The following PDE10A variants were observed in gnomAD, a reference collection of about 807,000 sequenced individuals.
PDE10A encodes the protein phosphodiesterase 10A, also known as cAMP and cAMP-inhibited cGMP 3',5'-cyclic phosphodiesterase 10A.
A neutral mutation model predicts 97.7 loss-of-function variants in PDE10A; 39 were observed. The ratio of observed to expected loss-of-function variants is 0.40; its 90% CI spans 0.31 to 0.52. The LOEUF (loss-of-function observed/expected upper bound fraction) is 0.52. Among genes scored for constraint, PDE10A ranks in the 20% least tolerant of loss-of-function variants. The probability of loss-of-function intolerance (pLI) is 0.56; values close to 1 mark genes in which losing one functional copy is unlikely to be tolerated. For synonymous variants in PDE10A, 371 were observed against 376.8 expected, an observed-to-expected ratio of 0.98 and a Z score of 0.18; for missense variants, 731 against 1,047.8, an observed-to-expected ratio of 0.70 and a Z score of 4.17.
rs377134469 is a variant in PDE10A at position 165,433,144 on chromosome 6, G to C, written c.1336-15C>G. 1.9e-6 allele frequency: 3 copies of C among 1,589,392 alleles called. No individual in the cohort carries two copies. Among genetic ancestry groups the C allele is most frequent in the Admixed American group, 1.7e-5 (1 of 57,728 alleles). ...AATCGTTCATCCTGAAAAACAAAAA[G>C]ACAAAAAGACATAAATTCAGTGAAA... On this transcript the variant is annotated splice_polypyrimidine_tract_variant and intron_variant, in intron 6 of 21. Coordinates refer to ENST00000539869, the MANE Select transcript of PDE10A (RefSeq NM_001385079.1).
chr6:165,845,643 A>G (rs1780395601), intron 1 of PDE10A, among the ~76,000 whole-genome samples: 1 of 152,216 alleles, frequency 6.6e-6, no homozygotes, highest in Admixed American at 6.5e-5. Flanking sequence ...TCCTTTAAGC[A>G]TAAAGCTTGC....
chr6:165,656,296 A>C (rs986918958), intron 1 of PDE10A, among the ~76,000 whole-genome samples: 3 of 127,820 alleles, frequency 2.3e-5, no homozygotes, highest in Non-Finnish European at 3.4e-5. Flanking sequence ...ACACACACAC[A>C]CCTTTCCAAT....
At chr6:165,607,249 G>T (rs977678454) in intron 1 of PDE10A, among the ~76,000 whole-genome samples, 1 of 152,196 alleles carries the variant, frequency 6.6e-6, no homozygotes, top group African/African-American at 2.4e-5. Flanking sequence ...TGCTTTAGCT[G>T]CAATTACAGC....
intron 1 of PDE10A, among the ~76,000 whole-genome samples, chr6:165,846,263 T>G (rs1309298863): frequency 1.3e-5 from 2 of 152,192 alleles, no homozygotes; most frequent in Non-Finnish European, 2.9e-5. Flanking sequence ...CCTTGTGCTT[T>G]ATAGACCCAG....
intron 1 of PDE10A, among the ~76,000 whole-genome samples, chr6:165,590,785 G>T (rs1385000777): frequency 6.6e-6 from 1 of 152,178 alleles, no homozygotes; most frequent in African/African-American, 2.4e-5. Flanking sequence ...CAGCTACTCA[G>T]GAGGCTGAGG....
chr6:165,867,690 TA>T (rs111729307), intron 1 of PDE10A, among the ~76,000 whole-genome samples: 3 of 152,154 alleles, frequency 2.0e-5, no homozygotes, highest in African/African-American at 7.2e-5. Flanking sequence ...AACAGACATT[TA>T]AAGAACATTT....
intron 1 of PDE10A, among the ~76,000 whole-genome samples, chr6:165,785,846 C>A (rs59694473): frequency 0.066 from 10,012 of 152,200 alleles, 1,049 homozygotes; most frequent in African/African-American, 0.23. Context: ...AACCCAGATT[C>A]TGTATTTCAA....
intron 2 of PDE10A, among the ~76,000 whole-genome samples, chr6:165,520,977 G>GT (rs142431330): frequency 0.09 from 13,690 of 151,284 alleles, 869 homozygotes; most frequent in African/African-American, 0.17. Flanking sequence ...AGATACTATG[G>GT]TTTTTTTTTA....
At chr6:165,829,766 G>T (rs536734050) in intron 1 of PDE10A, among the ~76,000 whole-genome samples, 1 of 152,256 alleles carries the variant, frequency 6.6e-6, no homozygotes, top group South Asian at 2.1e-4. Flanking sequence ...TCTCCTGCTG[G>T]TATCTGGCAT....
intron 1 of PDE10A, among the ~76,000 whole-genome samples, chr6:165,838,338 T>G (rs1780123067): frequency 6.6e-6 from 1 of 152,356 alleles, no homozygotes; most frequent in South Asian, 2.1e-4. Flanking sequence ...TTTTTTGACC[T>G]TTGTTTTTCT....
intron 3 of PDE10A, among the ~76,000 whole-genome samples, chr6:165,455,360 A>G (rs1777892326): frequency 6.6e-6 from 1 of 152,124 alleles, no homozygotes; most frequent in Non-Finnish European, 1.5e-5. Context: ...TTGGGAATAC[A>G]CTTCTGGAAC....
intron 1 of PDE10A, among the ~76,000 whole-genome samples, chr6:165,799,529 T>C (rs570367288): frequency 6.6e-6 from 1 of 152,328 alleles, no homozygotes; most frequent in South Asian, 2.1e-4. Flanking sequence ...TTGTCTACTG[T>C]ATGGATTCGA....
At chr6:165,941,595 G>A (rs1783521298) in intron 1 of PDE10A, among the ~76,000 whole-genome samples, 1 of 152,076 alleles carries the variant, frequency 6.6e-6, no homozygotes, top group African/African-American at 2.4e-5. Flanking sequence ...GAGTTCTCAC[G>A]AGATTTGGTC....
chr6:165,650,112 A>G (rs893798934), intron 1 of PDE10A, among the ~76,000 whole-genome samples: 1 of 152,130 alleles, frequency 6.6e-6, no homozygotes, highest in Admixed American at 6.5e-5. Flanking sequence ...AAATCGATCA[A>G]ATTTTAGGGG....
At chr6:165,530,910 C>T (rs975045076) in intron 2 of PDE10A, among the ~76,000 whole-genome samples, 7 of 152,132 alleles carry the variant, frequency 4.6e-5, no homozygotes, top group African/African-American at 1.7e-4. Flanking sequence ...TATCAAATCT[C>T]CTTCAAACCT....
chr6:165,447,032 T>C (rs559921559), intron 5 of PDE10A, among the ~76,000 whole-genome samples: 10 of 152,176 alleles, frequency 6.6e-5, no homozygotes, highest in Non-Finnish European at 1.5e-4. Context: ...GAAAAGCGTT[T>C]TGCTGAATCC....
chr6:165,935,719 CT>C (rs1382014186), intron 1 of PDE10A, among the ~76,000 whole-genome samples: 1 of 152,192 alleles, frequency 6.6e-6, no homozygotes, highest in East Asian at 1.9e-4. Flanking sequence ...GGGCTCTGCC[CT>C]TATGAATAGA....
intron 1 of PDE10A, among the ~76,000 whole-genome samples, chr6:165,837,659 GTTTTTTTTTT>G (rs386409265): frequency 8.4e-5 from 7 of 83,488 alleles, no homozygotes; most frequent in South Asian, 5.5e-4. Context: ...ATCTCTCCTG[GTTTTTTTTTT>G]TTTTTTTTTT....
intron 2 of PDE10A, among the ~76,000 whole-genome samples, chr6:165,492,894 CTG>C (rs1780309594): frequency 6.6e-6 from 1 of 152,262 alleles, no homozygotes; most frequent in African/African-American, 2.4e-5. Flanking sequence ...AGAAGTCAAA[CTG>C]TCACTGTTTG....
Sources: allele counts gnomAD v4.1 joint callset (sites outside exome capture counted in the v4.1 genomes callset), GRCh38; gene constraint gnomAD v4.1.1; transcripts MANE v1.5; gene names NCBI Gene and HGNC (gene_info 2026-07-23, HGNC 2026-07-21).